Variants in SFMBT1 observed in about 807,000 individuals in gnomAD.
SFMBT1 encodes the protein Scm like with four mbt domains 1, also known as scm-like with four MBT domains protein 1.
Under a neutral mutation model 108.7 loss-of-function variants are expected in SFMBT1, and 32 were observed. That is an observed-to-expected ratio of 0.29 (90% CI 0.22 to 0.40). The LOEUF is 0.40. Ranked by LOEUF, SFMBT1 falls within the 10% of genes least tolerant of loss-of-function variation. The probability of loss-of-function intolerance (pLI) is 1.00; values close to 1 mark genes in which losing one functional copy is unlikely to be tolerated. For synonymous variants in SFMBT1, 348 were observed against 369.5 expected (o/e 0.94, Z 0.67); for missense variants, 816 against 1,059.6 (o/e 0.77, Z 3.19).
Position 52,910,954 on chromosome 3 carries a change from A to T in SFMBT1, c.1906+49T>A, listed in dbSNP as rs779303885. 7.0e-6 allele frequency: 11 copies of T among 1,582,318 alleles called. No individual in the cohort carries two copies. In the East Asian group the frequency reaches 8.9e-5, roughly 13 times the overall value. On this transcript the variant is annotated intron_variant, in intron 17 of 20. Coordinates refer to ENST00000394752, the MANE Select transcript of SFMBT1 (RefSeq NM_016329.4). ...TAAAGTAAAAAACTTTCCAAGATGT[A>T]AGGTATGGTCAGCTGCTATGGTTAA...
At chr3:52,939,581 A>G (rs1425739729) in intron 4 of SFMBT1, among the ~76,000 whole-genome samples, 4 of 152,174 alleles carry the variant, frequency 2.6e-5, no homozygotes, top group African/African-American at 9.7e-5. Flanking sequence ...GTCTCAAAAA[A>G]TAAATAAATA....
chr3:53,036,859 C>A (rs11712653), intron 1 of SFMBT1, among the ~76,000 whole-genome samples: 13,166 of 152,114 alleles, frequency 0.087, 595 homozygotes, highest in East Asian at 0.12. Flanking sequence ...AGGTGGCTTA[C>A]GGGGCCACAG....
In SFMBT1 at chr3:52,934,884, A is replaced by T; in HGVS notation, c.382T>A (p.Ser128Thr). ...EAPEGIRDKV[S>T]DWDEFLRQTL... Reference sequence around the variant, plus strand: ...TGCCGCAGAAACTCATCCCAGTCAGATACTTTATCTCTGATGCCTAGATGA... The same window carrying T: ...TGCCGCAGAAACTCATCCCAGTCAGTTACTTTATCTCTGATGCCTAGATGA... Residue 128 changes from serine to threonine, a missense_variant, in exon 5 of 21, where the codon TCT (serine) becomes ACT (threonine). By Grantham distance (58) the Ser-to-Thr change is moderately conservative (BLOSUM62 1). Coordinates refer to ENST00000394752, the MANE Select transcript of SFMBT1 (RefSeq NM_016329.4). The T allele has an allele frequency of 1.9e-6, 3 of 1,613,286 alleles. No individual in the cohort carries two copies. In the South Asian group the frequency reaches 3.3e-5, roughly 18 times the overall value.
At chr3:52,912,720 T>C (rs1242400941) in intron 15 of SFMBT1, 73 bp from the exon 16 acceptor site, 7 of 1,086,712 alleles carry the variant, frequency 6.4e-6, no homozygotes, top group Non-Finnish European at 9.9e-6. Context: ...TGTCATCTCT[T>C]CCTTAAAATG....
chr3:52,928,363 G>GA, intron 8 of SFMBT1, 22 bp from the exon 9 acceptor site: 1 of 1,609,920 alleles, frequency 6.2e-7, no homozygotes, highest in African/African-American at 1.3e-5. Context: ...ATTAATAGAT[G>GA]AAATAGACAA....
intron 4 of SFMBT1, among the ~76,000 whole-genome samples, chr3:52,937,588 CT>C (rs779628148): frequency 7.7e-4 from 113 of 145,952 alleles, no homozygotes; most frequent in Non-Finnish European, 9.3e-4. Flanking sequence ...ATGATTCATT[CT>C]TTTTTTTTTT....
chr3:52,934,717 T>A, intron 5 of SFMBT1, 96 bp downstream of exon 5: 1 of 982,172 alleles, frequency 1.0e-6, no homozygotes, highest in East Asian at 2.6e-5. Flanking sequence ...TAATAACGTT[T>A]ATTTTCTTCA....
intron 1 of SFMBT1, among the ~76,000 whole-genome samples, chr3:53,026,375 G>A (rs1699491110): frequency 6.6e-6 from 1 of 152,028 alleles, no homozygotes; most frequent in Non-Finnish European, 1.5e-5. Context: ...TATTGTACTA[G>A]AAAGGAAAGA....
chr3:52,980,244 T>C (rs574044936), intron 1 of SFMBT1, among the ~76,000 whole-genome samples: 3 of 152,244 alleles, frequency 2.0e-5, no homozygotes, highest in Admixed American at 2.0e-4. Context: ...AAATTAAGTG[T>C]AGTACATATT....
In SFMBT1 at chr3:52,954,306, T is replaced by C; in HGVS notation, c.123+11A>G. 1 of 1,586,640 alleles carries C rather than the reference T, an allele frequency of 6.3e-7. No homozygotes were observed. Among genetic ancestry groups the C allele is most frequent in the African/African-American group, 1.3e-5 (1 of 74,296 alleles). ...TATAACACCAGTAAGGCAAATATAGTTATTGCTTACATGTTTAAAAGACCC... is the reference window on the plus strand; with the variant it reads ...TATAACACCAGTAAGGCAAATATAGCTATTGCTTACATGTTTAAAAGACCC... On this transcript the variant is annotated intron_variant, in intron 3 of 20. Coordinates refer to ENST00000394752, the MANE Select transcript of SFMBT1 (RefSeq NM_016329.4).
In SFMBT1 at chr3:53,040,968, A is replaced by ATTTTTT. The variant is rs57640588; in HGVS notation, c.-131+4842_-131+4847dup. ...TACAGGCATGCACCAAGACACCTGA[A>ATTTTTT]TTTTTTTTTTTTTTTTTTTTTTTTT... On this transcript the variant is annotated intron_variant, in intron 1 of 20. Coordinates refer to ENST00000394752, the MANE Select transcript of SFMBT1 (RefSeq NM_016329.4). Among the ~76,000 whole-genome samples, 78 of 46,388 alleles carry ATTTTTT rather than the reference A, an allele frequency of 1.7e-3. 4 individuals carry two copies. The highest frequency in any genetic ancestry group is 2.1e-3 in the African/African-American group (25 of 11,918). The allele number at this position is 46,388 out of a possible 152,430, so 30.4% of individuals were successfully genotyped here.
At chr3:53,029,938 T>C (rs916226989) in intron 1 of SFMBT1, among the ~76,000 whole-genome samples, 2 of 151,748 alleles carry the variant, frequency 1.3e-5, no homozygotes, top group African/African-American at 4.8e-5. Context: ...CCCCCACAAA[T>C]ACACTAACTT....
chr3:53,015,370 T>C (rs1699091358), intron 1 of SFMBT1, among the ~76,000 whole-genome samples: 1 of 152,254 alleles, frequency 6.6e-6, no homozygotes, highest in Non-Finnish European at 1.5e-5. Context: ...AAAAACAGTT[T>C]GGCAGTTCTT....
rs1262841178 is a variant in SFMBT1, at chr3:53,005,815, C to T, written c.-130-36557G>A. 3.3e-5 allele frequency among the ~76,000 whole-genome samples: 5 copies of T among 152,190 alleles called. No individual in the cohort carries two copies. The East Asian group carries it at 9.6e-4, about 29-fold the overall frequency. On this transcript the variant is annotated intron_variant, in intron 1 of 20. Transcript: ENST00000394752. ...TGTGAATATGGGTCAGAAAAATCAGCTGCACAGAAACACCTCAGCCAATTG... is the reference window on the plus strand; with the variant it reads ...TGTGAATATGGGTCAGAAAAATCAGTTGCACAGAAACACCTCAGCCAATTG...
At chr3:52,936,918 G>GAGTCTTGC in intron 4 of SFMBT1, among the ~76,000 whole-genome samples, 1 of 122,568 alleles carries the variant, frequency 8.2e-6, no homozygotes, top group Admixed American at 1.0e-4. Flanking sequence ...TTTTGAGACA[G>GAGTCTTGC]AGTCTTGCTC....
chr3:53,014,998 C>A (rs9857222), intron 1 of SFMBT1, among the ~76,000 whole-genome samples: 3,150 of 152,238 alleles, frequency 0.021, 122 homozygotes, highest in African/African-American at 0.072. Flanking sequence ...CACAGCAGAT[C>A]GCTTGAGCCC....
At chr3:52,958,106 A>T (rs1205304337) in intron 2 of SFMBT1, among the ~76,000 whole-genome samples, 1 of 152,168 alleles carries the variant, frequency 6.6e-6, no homozygotes, top group Non-Finnish European at 1.5e-5. Context: ...ACTTAAACAA[A>T]TTTACAAGAA....
intron 1 of SFMBT1, among the ~76,000 whole-genome samples, chr3:52,984,726 C>CTG (rs57308874): frequency 0.052 from 7,264 of 140,120 alleles, 263 homozygotes; most frequent in South Asian, 0.15. Context: ...ATACTAAATA[C>CTG]TGTGTGTGTG....
chr3:52,930,539 TTTC>T (rs1284464798), intron 7 of SFMBT1, 109 bp from the exon 8 acceptor site: 3 of 656,348 alleles, frequency 4.6e-6, no homozygotes, highest in East Asian at 2.7e-5. Flanking sequence ...ATCCTATAGT[TTTC>T]TTCTTTTTTT....
Sources: gnomAD v4.1 joint callset for allele counts (sites outside exome capture counted in the v4.1 genomes callset) on GRCh38, gnomAD v4.1.1 for gene constraint, MANE v1.5 for transcripts, NCBI Gene and HGNC (gene_info 2026-07-23, HGNC 2026-07-21) for gene names.